The following ASAP1 variants were observed in gnomAD, a reference collection of about 807,000 sequenced individuals.
The protein encoded by ASAP1 is ArfGAP with SH3 domain, ankyrin repeat and PH domain 1, also known as arf-GAP with SH3 domain, ANK repeat and PH domain-containing protein 1.
Under a neutral mutation model 145.2 loss-of-function variants are expected in ASAP1, and 43 were observed. The observed-to-expected ratio is 0.30, with a 90% CI of 0.23 to 0.38. ASAP1 has a LOEUF of 0.38. Ranked by LOEUF, ASAP1 falls within the 10% of genes least tolerant of loss-of-function variation. The probability of loss-of-function intolerance (pLI) is 1.00; values close to 1 mark genes in which losing one functional copy is unlikely to be tolerated. For synonymous variants in ASAP1, 546 were observed against 515.5 expected (o/e 1.06, Z -0.80); for missense variants, 1,018 against 1,355.3 (o/e 0.75, Z 3.91).
At chr8:130,339,331 C>T (rs372667545) in intron 3 of ASAP1, among the ~76,000 whole-genome samples, 4 of 152,300 alleles carry the variant, frequency 2.6e-5, no homozygotes, top group South Asian at 4.1e-4. Flanking sequence ...GAAACTTTCA[C>T]ACCTGTTTAA....
intron 3 of ASAP1, among the ~76,000 whole-genome samples, chr8:130,250,064 T>G (rs576843131): frequency 1.3e-5 from 2 of 152,274 alleles, no homozygotes; most frequent in African/African-American, 4.8e-5. Context: ...GGAAATATAT[T>G]TGGGAAAGTA....
intron 3 of ASAP1, among the ~76,000 whole-genome samples, chr8:130,346,568 G>A (rs897503534): frequency 3.9e-5 from 6 of 152,184 alleles, no homozygotes; most frequent in African/African-American, 1.4e-4. Context: ...GGGCTGTTGG[G>A]AGGATTATAT....
intron 1 of ASAP1, among the ~76,000 whole-genome samples, chr8:130,414,065 TGGATA>T (rs1829375081): frequency 6.6e-6 from 1 of 152,172 alleles, no homozygotes; most frequent in Non-Finnish European, 1.5e-5. Flanking sequence ...TACAGAGGAC[TGGATA>T]GTGAGTGGCT....
intron 13 of ASAP1, among the ~76,000 whole-genome samples, chr8:130,140,046 T>C (rs1395891167): frequency 6.6e-6 from 1 of 150,648 alleles, no homozygotes; most frequent in African/African-American, 2.4e-5. Flanking sequence ...TGTTTTTTTT[T>C]TTTTGAGATA....
At chr8:130,353,351 G>A (rs962126705) in intron 3 of ASAP1, among the ~76,000 whole-genome samples, 10 of 151,988 alleles carry the variant, frequency 6.6e-5, no homozygotes, top group South Asian at 2.1e-4. Context: ...CCAAATCTTC[G>A]AAAGTACAGG....
In ASAP1 at chr8:130,188,021, A is replaced by G. The variant is rs932714202; in HGVS notation, c.480+88T>C. ...GCTGAAAATGTTCAAAGAGTCTTTC[A>G]AATACAAGTACTACTATGATCTTGA... is the stretch of plus-strand genomic sequence containing the variant. On this transcript the variant is annotated intron_variant, in intron 6 of 29. Transcript: ENST00000518721. 2.4e-4 allele frequency: 229 copies of G among 939,572 alleles called. 2 individuals are homozygous for G. In the South Asian group the frequency reaches 3.0e-3, roughly 13 times the overall value. The allele number at this position is 939,572 out of a possible 1,614,324, so 58.2% of individuals were successfully genotyped here.
intron 3 of ASAP1, among the ~76,000 whole-genome samples, chr8:130,324,656 G>A (rs755364318): frequency 4.6e-5 from 7 of 152,098 alleles, no homozygotes; most frequent in Non-Finnish European, 7.4e-5. Flanking sequence ...AGCATAATTC[G>A]TAAAATCCAT....
At chr8:130,275,204 C>G (rs577165941) in intron 3 of ASAP1, among the ~76,000 whole-genome samples, 1 of 152,348 alleles carries the variant, frequency 6.6e-6, no homozygotes, top group East Asian at 1.9e-4. Flanking sequence ...CTTCCAAATG[C>G]TTTGAAACCC....
At chr8:130,238,809 A>G (rs1478120096) in intron 3 of ASAP1, among the ~76,000 whole-genome samples, 1 of 152,060 alleles carries the variant, frequency 6.6e-6, no homozygotes, top group Non-Finnish European at 1.5e-5. Context: ...GTCACATTCT[A>G]CACTTATATC....
intron 24 of ASAP1, among the ~76,000 whole-genome samples, chr8:130,100,606 G>A (rs963849310): frequency 3.3e-5 from 5 of 152,154 alleles, no homozygotes; most frequent in African/African-American, 4.8e-5. Flanking sequence ...TGGGATTACA[G>A]GCATGAACCA....
At chr8:130,192,333 G>T (rs1322176857) in intron 5 of ASAP1, among the ~76,000 whole-genome samples, 1 of 147,730 alleles carries the variant, frequency 6.8e-6, no homozygotes, top group Non-Finnish European at 1.5e-5. Flanking sequence ...TCACGGGGGG[G>T]AGCGATGGGG....
At chr8:130,196,564 A>G (rs1159743293) in intron 5 of ASAP1, among the ~76,000 whole-genome samples, 1 of 152,244 alleles carries the variant, frequency 6.6e-6, no homozygotes, top group Non-Finnish European at 1.5e-5. Context: ...AGAAGAGCAG[A>G]GCACAGCTCT....
chr8:130,430,505 C>T (rs148646148), intron 1 of ASAP1, among the ~76,000 whole-genome samples: 216 of 152,298 alleles, frequency 1.4e-3, no homozygotes, highest in Admixed American at 5.5e-3. Flanking sequence ...GCAGTTGAAA[C>T]GTCCAGCTGC....
intron 7 of ASAP1, 103 bp from the exon 8 acceptor site, chr8:130,180,983 G>T: frequency 9.9e-7 from 1 of 1,011,228 alleles, no homozygotes; most frequent in Non-Finnish European, 1.4e-6. Flanking sequence ...GTGACGATGT[G>T]TCTATGTAGG....
chr8:130,214,798 A>G lies in ASAP1; in HGVS notation c.260-97T>C, dbSNP rs1816795229. Reference sequence around the variant, plus strand: ...GATCACTACGAATTCTCAAAATGGAAGCATAAACTGTATCAATTATTTATT... The same window carrying G: ...GATCACTACGAATTCTCAAAATGGAGGCATAAACTGTATCAATTATTTATT... On this transcript the variant is annotated intron_variant, in intron 4 of 29. Coordinates refer to ENST00000518721, the MANE Select transcript of ASAP1 (RefSeq NM_018482.4). 1.2e-5 allele frequency: 13 copies of G among 1,040,938 alleles called. No individual in the cohort carries two copies. The East Asian group carries it at 1.5e-4, about 12-fold the overall frequency. The allele number at this position is 1,040,938 out of a possible 1,614,324, so 64.5% of individuals were successfully genotyped here. A position where few individuals can be genotyped will look rare whatever the true frequency, so the allele number is the denominator to read the frequency against.
intron 8 of ASAP1, among the ~76,000 whole-genome samples, chr8:130,180,366 A>T (rs1480395368): frequency 6.6e-6 from 1 of 152,164 alleles, no homozygotes; most frequent in African/African-American, 2.4e-5. Context: ...CTTAATGACA[A>T]CTTCATTTGA....
chr8:130,419,481 C>T (rs779677621), intron 1 of ASAP1, among the ~76,000 whole-genome samples: 7 of 152,174 alleles, frequency 4.6e-5, no homozygotes, highest in Non-Finnish European at 1.0e-4. Context: ...AAAACGGCTG[C>T]AGCCGATCTC....
intron 2 of ASAP1, among the ~76,000 whole-genome samples, chr8:130,374,390 C>G (rs578087209): frequency 6.6e-6 from 1 of 152,304 alleles, no homozygotes; most frequent in Admixed American, 6.5e-5. Context: ...AAGGATAGGG[C>G]TGGGACCAGT....
chr8:130,289,619 T>G (rs772352675), intron 3 of ASAP1, among the ~76,000 whole-genome samples: 35 of 152,184 alleles, frequency 2.3e-4, no homozygotes, highest in Non-Finnish European at 4.3e-4. Context: ...TGTTTATAAC[T>G]TAGCACATAC....
Sources: allele counts gnomAD v4.1 joint callset (sites outside exome capture counted in the v4.1 genomes callset), GRCh38; gene constraint gnomAD v4.1.1; transcripts MANE v1.5; gene names NCBI Gene and HGNC (gene_info 2026-07-23, HGNC 2026-07-21).